Variants in TARS3 observed in about 807,000 individuals in gnomAD.
TARS3 encodes threonine--tRNA ligase 2, cytoplasmic.
A neutral mutation model predicts 103.5 loss-of-function variants in TARS3; 94 were observed. The ratio of observed to expected loss-of-function variants is 0.91; its 90% CI spans 0.77 to 1.08. The LOEUF (loss-of-function observed/expected upper bound fraction) is 1.08, where lower values mean the gene tolerates loss of function less well. TARS3 is among the 50% of genes least tolerant of loss of function. The probability of loss-of-function intolerance (pLI) is 0.00; values close to 1 mark genes in which losing one functional copy is unlikely to be tolerated. For synonymous variants in TARS3, 416 were observed against 355.4 expected, an observed-to-expected ratio of 1.17 and a Z score of -1.92; for missense variants, 952 against 995.2, an observed-to-expected ratio of 0.96 and a Z score of 0.58.
At chr15:101,714,605 CAAAAAAAAAAAAAA>C (rs35014693) in intron 4 of TARS3, 4 of 77,762 alleles carry the variant, frequency 5.1e-5, no homozygotes, top group Admixed American at 2.0e-4. Flanking sequence ...GACTCCATCT[CAAAAAAAAAAAAAA>C]AAAAAAAAAA....
intron 12 of TARS3, among the ~76,000 whole-genome samples, chr15:101,683,586 G>A (rs955808213): frequency 2.6e-5 from 4 of 152,020 alleles, no homozygotes; most frequent in South Asian, 2.1e-4. Context: ...CTCACACCTC[G>A]GTACAACATT....
intron 15 of TARS3, 120 bp downstream of exon 15, chr15:101,671,366 T>G: frequency 1.4e-6 from 1 of 716,124 alleles, no homozygotes; most frequent in Non-Finnish European, 2.3e-6. Flanking sequence ...AACAAATATA[T>G]ATTGCGTGTA....
Position 101,703,937 on chromosome 15 carries a change from C to A in TARS3, c.996G>T (p.Arg332Ser), listed in dbSNP as rs1368299921. ...TGCAAAGGTCAATTAATGGACCGCA[C>A]CTATAATGAAATATTTAGGACATGC... ...KVNTATTTVY[R>S]CGPLIDLCKG... Residue 332 changes from arginine (R) to serine (S), a missense_variant and splice_region_variant, in exon 8 of 19, where the codon AGG (arginine) becomes AGT (serine). By Grantham distance (110) the Arg-to-Ser change is moderately radical. Coordinates refer to ENST00000335968, the MANE Select transcript of TARS3 (RefSeq NM_152334.3). 1.2e-6 allele frequency: 2 copies of A among 1,608,662 alleles called. No homozygotes were observed. Among genetic ancestry groups the A allele is most frequent in the Admixed American group, 1.7e-5 (1 of 59,934 alleles).
chr15:101,710,858 G>C (rs1054158371), intron 5 of TARS3, among the ~76,000 whole-genome samples: 3 of 152,172 alleles, frequency 2.0e-5, no homozygotes, highest in Non-Finnish European at 2.9e-5. Context: ...GATAAAATTG[G>C]CAGAACTGGA....
At chr15:101,687,298 G>A (rs902296702) in intron 10 of TARS3, among the ~76,000 whole-genome samples, 2 of 152,116 alleles carry the variant, frequency 1.3e-5, no homozygotes, top group Non-Finnish European at 2.9e-5. Flanking sequence ...AGCTACTCAG[G>A]AGGCTGAAGC....
chr15:101,707,690 G>T (rs551355446), intron 6 of TARS3, among the ~76,000 whole-genome samples: 2 of 150,900 alleles, frequency 1.3e-5, no homozygotes, highest in Non-Finnish European at 2.9e-5. Flanking sequence ...GCCAGGGGCT[G>T]GGGGCAGGGC....
intron 13 of TARS3, among the ~76,000 whole-genome samples, chr15:101,672,556 G>A (rs1413939931): frequency 1.3e-5 from 2 of 152,108 alleles, no homozygotes; most frequent in African/African-American, 2.4e-5. Flanking sequence ...AATCAGAGCC[G>A]TGGCAGAGTC....
At chr15:101,659,672 A>G (rs1240249048) in intron 16 of TARS3, among the ~76,000 whole-genome samples, 1 of 152,180 alleles carries the variant, frequency 6.6e-6, no homozygotes. Context: ...TTCTAATGCA[A>G]AACACCATCA....
rs373343501 is a variant in TARS3, at chr15:101,675,761, T to A, written c.1651-24A>T. The stretch of plus-strand genomic sequence containing the variant: ...ATCTGAAATCAAAGCAAATGAAACA[T>A]TCAAATAGAACATCAAATTCATTTA... On this transcript the variant is annotated intron_variant, in intron 12 of 18. Coordinates refer to ENST00000335968, the MANE Select transcript of TARS3 (RefSeq NM_152334.3). The A allele has an allele frequency of 1.5e-5, 24 of 1,595,594 alleles. No homozygotes were observed. The African/African-American group carries it at 2.7e-4, about 18-fold the overall frequency.
intron 15 of TARS3, among the ~76,000 whole-genome samples, chr15:101,668,950 C>CT (rs1283235710): frequency 1.3e-5 from 2 of 152,064 alleles, no homozygotes; most frequent in African/African-American, 2.4e-5. Context: ...CTACACTATA[C>CT]TTTTAATTGT....
At chr15:101,717,634 T>C (rs1013419516) in intron 3 of TARS3, among the ~76,000 whole-genome samples, 2 of 152,186 alleles carry the variant, frequency 1.3e-5, no homozygotes, top group South Asian at 4.1e-4. Flanking sequence ...CCACCTTCTG[T>C]AGATGGGAAC....
Position 101,684,221 on chromosome 15 carries a change from G to A in TARS3, c.1504C>T (p.Arg502Cys), listed in dbSNP as rs758891836. The A allele has an allele frequency of 4.3e-6, 7 of 1,613,544 alleles. No homozygotes were observed. The highest frequency in any genetic ancestry group is 1.7e-5 in the Admixed American group (1 of 59,984). Residue 502 changes from arginine (R) to cysteine (C), a missense_variant, in exon 12 of 19, where the codon CGT becomes TGT. Around this residue, in one of 2 missense-constraint regions of TARS3, gnomAD observed 540 missense variants for 631.0 expected, o/e 0.86. Transcript: ENST00000335968. Reference protein sequence around the residue: ...CPGHCLMFAHRPRSWREMPIR... With the variant: ...CPGHCLMFAHCPRSWREMPIR... ...GGCATTTCCCTCCAAGATCGTGGAC[G>A]ATGGGCAAACATTAGACTAGAAAAG...
intron 10 of TARS3, among the ~76,000 whole-genome samples, chr15:101,689,879 C>T (rs187245377): frequency 6.6e-6 from 1 of 152,130 alleles, no homozygotes; most frequent in Non-Finnish European, 1.5e-5. Context: ...CAGGATAAGG[C>T]GAATGTGGAA....
intron 9 of TARS3, among the ~76,000 whole-genome samples, chr15:101,701,518 C>A (rs576601894): frequency 1.3e-5 from 2 of 152,300 alleles, no homozygotes; most frequent in African/African-American, 4.8e-5. Context: ...TGATGATGAT[C>A]ATCATGGCTG....
chr15:101,685,898 G>C lies in TARS3; in HGVS notation c.1485C>G (p.His495Gln). The stretch of plus-strand genomic sequence containing the variant: ...TCTGCTTCGCTTTTAATACTCACCA[G>C]TGCCCTGGACAATTCATGGGTTTGA... ...FALKPMNCPG[H>Q]CLMFAHRPRS... The change falls in exon 11 of 19, where the codon CAC becomes CAG. Residue 495 changes from histidine (H) to glutamine (Q), a missense_variant and splice_region_variant. Around this residue, in one of 2 missense-constraint regions of TARS3, gnomAD observed 540 missense variants for 631.0 expected, o/e 0.86. Coordinates refer to ENST00000335968, the MANE Select transcript of TARS3 (RefSeq NM_152334.3). The C allele has an allele frequency of 6.2e-7, 1 of 1,613,032 alleles. No homozygotes were observed. Among genetic ancestry groups the C allele is most frequent in the South Asian group, 1.1e-5 (1 of 90,944 alleles).
At chr15:101,716,026 CT>C (rs11464619) in intron 3 of TARS3, among the ~76,000 whole-genome samples, 146 of 147,736 alleles carry the variant, frequency 9.9e-4, no homozygotes, top group East Asian at 9.6e-3. Context: ...TGCCTATTTT[CT>C]TTTTTTTTTT....
At position 101,657,874 on chromosome 15, in the gene TARS3, A is replaced by C; in HGVS notation, c.2073-17T>G. The C allele has an allele frequency of 2.0e-6, 3 of 1,491,174 alleles. No homozygotes were observed. The highest frequency in any genetic ancestry group is 2.7e-6 in the Non-Finnish European group (3 of 1,091,000). The allele number at this position is 1,491,174 out of a possible 1,614,324, so 92.4% of individuals were successfully genotyped here. A position where few individuals can be genotyped will look rare whatever the true frequency, so the allele number is the denominator to read the frequency against. On this transcript the variant is annotated splice_polypyrimidine_tract_variant and intron_variant, in intron 16 of 18. Transcript: ENST00000335968. ...CAGAAAGGCCTGAAAAATATATATAAAATATGTATTTTCAAAGTGTAATAA... is the reference window on the plus strand; with the variant it reads ...CAGAAAGGCCTGAAAAATATATATACAATATGTATTTTCAAAGTGTAATAA...
At chr15:101,693,641 A>C (rs1030540333) in intron 10 of TARS3, among the ~76,000 whole-genome samples, 2 of 152,204 alleles carry the variant, frequency 1.3e-5, no homozygotes, top group Non-Finnish European at 2.9e-5. Flanking sequence ...CAAAAGCTGA[A>C]AACAACCCAA....
Position 101,657,042 on chromosome 15 carries a change from AG to A in TARS3, c.2146-7del. 2 of 1,582,276 alleles carry A rather than the reference AG, an allele frequency of 1.3e-6. No homozygotes were observed. Among genetic ancestry groups the A allele is most frequent in the Non-Finnish European group, 1.7e-6 (2 of 1,151,768 alleles). On this transcript the variant is annotated splice_polypyrimidine_tract_variant and splice_region_variant and intron_variant, in intron 17 of 18. Transcript: ENST00000335968. Reference sequence around the variant, plus strand: ...TCAAAAAATTCACTGGATACCTAGAAGAAAATGAAACACCTTTACTGTTACA... The same window carrying A: ...TCAAAAAATTCACTGGATACCTAGAAAAAATGAAACACCTTTACTGTTACA...
Sources: allele counts gnomAD v4.1 joint callset (sites outside exome capture counted in the v4.1 genomes callset), GRCh38; gene constraint gnomAD v4.1.1; regional missense constraint gnomAD v4.1.1; transcripts MANE v1.5; gene names NCBI Gene and HGNC (gene_info 2026-07-23, HGNC 2026-07-21).